MYOM2: variants seen among roughly 807,000 people sequenced by gnomAD.
MYOM2 encodes myomesin-2.
A neutral mutation model predicts 187.6 loss-of-function variants in MYOM2; 254 were observed. The ratio of observed to expected loss-of-function variants is 1.35; its 90% CI spans 1.22 to 1.50. The LOEUF (loss-of-function observed/expected upper bound fraction) is 1.50, where lower values mean the gene tolerates loss of function less well. Among genes scored for constraint, MYOM2 ranks in the 40% most tolerant of loss-of-function variants. The probability of loss-of-function intolerance (pLI) is 0.00; values close to 1 mark genes in which losing one functional copy is unlikely to be tolerated. For missense variants in MYOM2, 2,796 were observed against 1,924.0 expected (o/e 1.45, Z -8.48); for synonymous variants, 981 against 753.8 (o/e 1.30, Z -4.94).
In MYOM2 at chr8:2,144,378, C is replaced by T. The variant is rs542491533; in HGVS notation, c.4081-286C>T. Among the ~76,000 whole-genome samples the T allele has an allele frequency of 2.0e-5, 3 of 152,266 alleles. No homozygotes were observed. The South Asian group carries it at 6.2e-4, about 32-fold the overall frequency. ...ACATAGAGCTTAATTAAATTACTTTCAAATTCTTTAATTGACTTAGGCTAT... is the reference window on the plus strand; with the variant it reads ...ACATAGAGCTTAATTAAATTACTTTTAAATTCTTTAATTGACTTAGGCTAT... On this transcript the variant is annotated intron_variant, in intron 36 of 36. Transcript: ENST00000262113.
At position 2,059,194 on chromosome 8, in the gene MYOM2, GA is replaced by G. The variant is rs773422376; in HGVS notation, c.605del (p.Lys202SerfsTer45). The G allele has an allele frequency of 1.2e-6, 2 of 1,614,222 alleles. No individual in the cohort carries two copies. The highest frequency in any genetic ancestry group is 2.2e-5 in the East Asian group (1 of 44,888). Reference sequence around the variant, plus strand: ...CTGATTTGCCAGGCGGCTGAACCGGGAAAGTACAGGATTGAGAGCAACTATG... The same window carrying G: ...CTGATTTGCCAGGCGGCTGAACCGGGAAGTACAGGATTGAGAGCAACTATG... ...GSLICQAAEP[G>X]KYRIESNYGV... On this transcript the variant is annotated frameshift_variant, in exon 6 of 37. Transcript: ENST00000262113. LOFTEE classifies it high-confidence loss of function.
chr8:2,084,549 T>A (rs1819741939), intron 13 of MYOM2, among the ~76,000 whole-genome samples: 2 of 152,214 alleles, frequency 1.3e-5, no homozygotes, highest in Admixed American at 1.3e-4. Flanking sequence ...CCTCCACTCC[T>A]TATGAAAATC....
intron 20 of MYOM2, among the ~76,000 whole-genome samples, 184 bp from the exon 21 acceptor site, chr8:2,102,483 A>G (rs543896286): frequency 3.5e-5 from 5 of 144,522 alleles, no homozygotes; most frequent in African/African-American, 1.2e-4. Flanking sequence ...TTATTCCTCC[A>G]AAGTCACATT....
intron 6 of MYOM2, 56 bp downstream of exon 6, chr8:2,059,301 C>A: frequency 3.3e-6 from 5 of 1,519,530 alleles, no homozygotes; most frequent in Non-Finnish European, 4.5e-6. Context: ...CATTGCAGAC[C>A]CCAAAGAAGA....
chr8:2,088,733 A>G (rs559382512), intron 14 of MYOM2, among the ~76,000 whole-genome samples: 4 of 152,348 alleles, frequency 2.6e-5, no homozygotes, highest in African/African-American at 9.6e-5. Flanking sequence ...ATACAAGTGC[A>G]TGCATCTTCT....
chr8:2,102,528 C>G (rs537551855), intron 20 of MYOM2, 139 bp from the exon 21 acceptor site: 3 of 571,242 alleles, frequency 5.3e-6, no homozygotes, highest in South Asian at 5.4e-5. Flanking sequence ...CCCTCCTTTT[C>G]TAACTCATTA....
chr8:2,138,374 T>C (rs1054436464), intron 32 of MYOM2, among the ~76,000 whole-genome samples: 1 of 152,144 alleles, frequency 6.6e-6, no homozygotes, highest in Non-Finnish European at 1.5e-5. Context: ...GGGCGGAGCC[T>C]GGGGCTCTGC....
intron 8 of MYOM2, among the ~76,000 whole-genome samples, chr8:2,072,104 G>A (rs11136463): frequency 0.48 from 73,022 of 152,012 alleles, 19,038 homozygotes; most frequent in Admixed American, 0.64. Flanking sequence ...TGCGGTGACG[G>A]TCTGAGTGTG....
chr8:2,067,507 A>T (rs1220747906), intron 6 of MYOM2, among the ~76,000 whole-genome samples: 1 of 152,144 alleles, frequency 6.6e-6, no homozygotes, highest in Non-Finnish European at 1.5e-5. Context: ...CTACTTGAGG[A>T]TGAACGTGGA....
At chr8:2,144,173 T>C (rs1040943451) in intron 36 of MYOM2, among the ~76,000 whole-genome samples, 9 of 152,330 alleles carry the variant, frequency 5.9e-5, no homozygotes, top group African/African-American at 2.2e-4. Flanking sequence ...AGCAATCGTT[T>C]TACTTTATCC....
At chr8:2,086,914 C>T (rs547073366) in intron 14 of MYOM2, among the ~76,000 whole-genome samples, 1 of 152,102 alleles carries the variant, frequency 6.6e-6, no homozygotes, top group African/African-American at 2.4e-5. Flanking sequence ...AAGGGTTAGA[C>T]TCGCCAGATA....
In MYOM2 at chr8:2,085,333, C is replaced by T; in HGVS notation, c.1587C>T (p.Leu529=). The part of the protein sequence containing the change: ...ASEISRNYVV[L]SWEPPTPRGK... ...AGATCAGCAGAAACTATGTCGTCCT[C>T]AGCTGGGAGCCACCCACTCCCCGTG... The change falls in exon 14 of 37, where the codon CTC becomes CTT. Residue 529 remains leucine, a synonymous_variant. Coordinates refer to ENST00000262113, the MANE Select transcript of MYOM2 (RefSeq NM_003970.4). 1 of 1,614,158 alleles carries T rather than the reference C, an allele frequency of 6.2e-7. No homozygotes were observed. The highest frequency in any genetic ancestry group is 8.5e-7 in the Non-Finnish European group (1 of 1,180,014).
intron 32 of MYOM2, among the ~76,000 whole-genome samples, chr8:2,136,367 A>T (rs1429436492): frequency 2.0e-5 from 3 of 152,166 alleles, no homozygotes; most frequent in Non-Finnish European, 4.4e-5. Flanking sequence ...AGGTGGGGCC[A>T]GAAGCATGTG....
intron 9 of MYOM2, 32 bp downstream of exon 9, chr8:2,072,541 C>T (rs988739843): frequency 2.5e-6 from 4 of 1,592,912 alleles, no homozygotes; most frequent in Non-Finnish European, 3.4e-6. Context: ...CCCGGGCACA[C>T]ACCAGGAGGC....
intron 13 of MYOM2, among the ~76,000 whole-genome samples, chr8:2,084,696 C>T (rs964576722): frequency 2.6e-5 from 4 of 152,198 alleles, no homozygotes; most frequent in Admixed American, 2.0e-4. Context: ...ATCAACATCA[C>T]TCCAGAATTC....
intron 1 of MYOM2, among the ~76,000 whole-genome samples, chr8:2,049,540 T>C (rs1029351262): frequency 6.6e-6 from 1 of 152,186 alleles, no homozygotes; most frequent in Non-Finnish European, 1.5e-5. Context: ...CCCTTGGCAT[T>C]TTCCACCCAA....
At chr8:2,121,916 T>C (rs1033723522) in intron 28 of MYOM2, among the ~76,000 whole-genome samples, 1 of 152,220 alleles carries the variant, frequency 6.6e-6, no homozygotes, top group African/African-American at 2.4e-5. Flanking sequence ...AAAGAGTTTA[T>C]GGTAGAGAGA....
intron 27 of MYOM2, 105 bp from the exon 28 acceptor site, chr8:2,117,780 A>G (rs533793299): frequency 2.4e-4 from 167 of 685,926 alleles, no homozygotes; most frequent in Non-Finnish European, 5.0e-5. Context: ...TGTATTATAT[A>G]TACACACCAT....
chr8:2,073,077 G>T (rs1478497876), intron 9 of MYOM2, among the ~76,000 whole-genome samples: 2 of 152,204 alleles, frequency 1.3e-5, no homozygotes, highest in Non-Finnish European at 2.9e-5. Context: ...TTTACCTGAG[G>T]ACAAAGCTGG....
Sources: allele counts gnomAD v4.1 joint callset (sites outside exome capture counted in the v4.1 genomes callset), GRCh38; gene constraint gnomAD v4.1.1; transcripts MANE v1.5; gene names NCBI Gene and HGNC (gene_info 2026-07-23, HGNC 2026-07-21).